CNTN4: variants seen among roughly 807,000 people sequenced by gnomAD.
CNTN4 encodes contactin-4.
In CNTN4, 77 loss-of-function variants were observed where a neutral mutation model predicts 122.5. The ratio of observed to expected loss-of-function variants is 0.63; its 90% CI spans 0.52 to 0.76. The LOEUF (loss-of-function observed/expected upper bound fraction) is 0.76, where lower values mean the gene tolerates loss of function less well. Ranked by LOEUF, CNTN4 falls within the 30% of genes least tolerant of loss-of-function variation. The probability of loss-of-function intolerance (pLI) is 0.00; values close to 1 mark genes in which losing one functional copy is unlikely to be tolerated. For missense variants in CNTN4, 1,256 were observed against 1,259.1 expected (o/e 1.00, Z 0.04); for synonymous variants, 512 against 447.0 (o/e 1.15, Z -1.83).
intron 3 of CNTN4, among the ~76,000 whole-genome samples, chr3:2,423,512 G>A (rs1221626465): frequency 6.7e-6 from 1 of 149,118 alleles, no homozygotes; most frequent in African/African-American, 2.5e-5. Context: ...GTGCCTCTGT[G>A]GAATCCTTTT....
chr3:2,328,080 C>A (rs1193211239), intron 2 of CNTN4, among the ~76,000 whole-genome samples: 2 of 152,116 alleles, frequency 1.3e-5, no homozygotes, highest in Non-Finnish European at 2.9e-5. Context: ...TTATATTATA[C>A]CCTTTTGTCT....
chr3:2,703,478 A>G (rs1342654503), intron 4 of CNTN4, among the ~76,000 whole-genome samples: 1 of 152,210 alleles, frequency 6.6e-6, no homozygotes, highest in Non-Finnish European at 1.5e-5. Context: ...ACTTAAAATC[A>G]AATCTCAGAG....
At chr3:2,765,465 G>A (rs2090812553) in intron 6 of CNTN4, among the ~76,000 whole-genome samples, 1 of 152,182 alleles carries the variant, frequency 6.6e-6, no homozygotes, top group Non-Finnish European at 1.5e-5. Context: ...GAAAACATAT[G>A]TGAAGTACCT....
intron 2 of CNTN4, among the ~76,000 whole-genome samples, chr3:2,155,250 T>C (rs2035668631): frequency 6.6e-6 from 1 of 152,182 alleles, no homozygotes; most frequent in Admixed American, 6.5e-5. Context: ...TTAATTCCTG[T>C]GCAGCAATGA....
intron 6 of CNTN4, among the ~76,000 whole-genome samples, chr3:2,792,512 TA>T (rs2092042511): frequency 6.6e-6 from 1 of 152,260 alleles, no homozygotes; most frequent in Non-Finnish European, 1.5e-5. Context: ...TGCAGCTGAA[TA>T]TGTACTAATT....
rs568750014 is a variant in CNTN4, at chr3:2,345,256, AT to A, written c.-89+6032del. On this transcript the variant is annotated intron_variant, in intron 3 of 24. Coordinates refer to ENST00000418658, the MANE Select transcript of CNTN4 (RefSeq NM_175607.3). The stretch of plus-strand genomic sequence containing the variant: ...GATTCAATTGTCTATCATTTTTATG[AT>A]TTTTTTTTACCCTTTCAGACACATT... Among the ~76,000 whole-genome samples, 13 of 151,582 alleles carry A rather than the reference AT, an allele frequency of 8.6e-5. No homozygotes were observed. In the East Asian group the frequency reaches 1.6e-3, roughly 18 times the overall value.
chr3:2,167,238 GCAGC>G (rs2036235486), intron 2 of CNTN4, among the ~76,000 whole-genome samples: 1 of 151,900 alleles, frequency 6.6e-6, no homozygotes, highest in South Asian at 2.1e-4. Context: ...TATTATATCT[GCAGC>G]TCTTGGCATG....
intron 13 of CNTN4, among the ~76,000 whole-genome samples, chr3:2,950,385 T>C (rs2094726907): frequency 6.6e-6 from 1 of 152,248 alleles, no homozygotes; most frequent in Non-Finnish European, 1.5e-5. Flanking sequence ...ACAATGGGCC[T>C]GAACCTGCCA....
chr3:2,818,934 G>A (rs185433844), intron 6 of CNTN4, among the ~76,000 whole-genome samples: 8 of 152,140 alleles, frequency 5.3e-5, no homozygotes, highest in Admixed American at 5.2e-4. Flanking sequence ...CACACTCTGG[G>A]TATATATGGA....
At chr3:2,549,994 T>C (rs564108294) in intron 3 of CNTN4, among the ~76,000 whole-genome samples, 123 of 152,312 alleles carry the variant, frequency 8.1e-4, no homozygotes, top group African/African-American at 2.9e-3. Flanking sequence ...CGTAGAGGTG[T>C]TTATACTATT....
intron 4 of CNTN4, among the ~76,000 whole-genome samples, chr3:2,714,169 ATTGT>A (rs1258650426): frequency 6.6e-5 from 10 of 152,022 alleles, no homozygotes; most frequent in Admixed American, 2.0e-4. Flanking sequence ...CTTTTATCTG[ATTGT>A]TCTCTAAATT....
rs146616448 is a variant in CNTN4 at position 2,894,996 on chromosome 3, A to G, written c.941-5689A>G. Among the ~76,000 whole-genome samples, 886 of 152,070 alleles carry G rather than the reference A, an allele frequency of 5.8e-3. 10 individuals are homozygous for G. The highest frequency in any genetic ancestry group is 0.02 in the African/African-American group (842 of 41,464). ...ATGGCAGAAGACTTCATTTTCATTT[A>G]TGTATTTGTTAATTTATTTTCGAGA... On this transcript the variant is annotated intron_variant, in intron 10 of 24. Coordinates refer to ENST00000418658, the MANE Select transcript of CNTN4 (RefSeq NM_175607.3).
rs140090666 is a variant in CNTN4, at chr3:2,754,565, T to C, written c.358+8868T>C. Among the ~76,000 whole-genome samples, 586 of 152,124 alleles carry C rather than the reference T, an allele frequency of 3.9e-3. 5 individuals carry two copies. Among genetic ancestry groups the C allele is most frequent in the African/African-American group, 0.013 (559 of 41,516 alleles). ...CCATTCATGCCCTACATCTCTACCC[T>C]CTGAGCATGTGTTAAGGGGAAGGGC... On this transcript the variant is annotated intron_variant, in intron 6 of 24. Coordinates refer to ENST00000418658, the MANE Select transcript of CNTN4 (RefSeq NM_175607.3).
chr3:2,816,539 A>G (rs2092734850), intron 6 of CNTN4, among the ~76,000 whole-genome samples: 3 of 151,792 alleles, frequency 2.0e-5, no homozygotes, highest in East Asian at 2.0e-4. Flanking sequence ...GAACTTACTC[A>G]TGGCTGGACA....
At chr3:2,449,614 C>CA (rs34181793) in intron 3 of CNTN4, among the ~76,000 whole-genome samples, 2,805 of 125,906 alleles carry the variant, frequency 0.022, 64 homozygotes, top group African/African-American at 0.052. Context: ...GACTCCATCT[C>CA]AAAAAAAAAA....
intron 4 of CNTN4, among the ~76,000 whole-genome samples, chr3:2,646,916 A>C (rs6807266): frequency 0.53 from 79,883 of 151,930 alleles, 21,170 homozygotes; most frequent in East Asian, 0.68. Flanking sequence ...CCCTGTGTCC[A>C]AATACAGTCA....
rs758893838 is a variant in CNTN4 at position 3,043,594 on chromosome 3, C to T, written c.2701C>T (p.Pro901Ser). ...CGTATATCTTAATTTTTTTATAGCA[C>T]CAAGTCAACCCCCCGGAAACATCAT... ...TVNVTTRKPP[P>S]SQPPGNIIWN... Residue 901 changes from proline to serine, a missense_variant and splice_region_variant, in exon 23 of 25, where the codon CCA (proline) becomes TCA (serine). Coordinates refer to ENST00000418658, the MANE Select transcript of CNTN4 (RefSeq NM_175607.3). 48 of 1,610,614 alleles carry T rather than the reference C, an allele frequency of 3.0e-5. No individual in the cohort carries two copies. The highest frequency in any genetic ancestry group is 4.0e-5 in the Non-Finnish European group (47 of 1,176,856).
At chr3:2,120,589 G>C (rs2033704968) in intron 2 of CNTN4, among the ~76,000 whole-genome samples, 1 of 151,108 alleles carries the variant, frequency 6.6e-6, no homozygotes, top group South Asian at 2.1e-4. Context: ...TTTTAGTAGA[G>C]AGGAGGGTTC....
At chr3:2,900,856 G>C in intron 11 of CNTN4, 35 bp downstream of exon 11, 1 of 1,613,022 alleles carries the variant, frequency 6.2e-7, no homozygotes, top group Non-Finnish European at 8.5e-7. Context: ...CCTTAGTCTT[G>C]ACTATAACGT....
Sources: allele counts gnomAD v4.1 joint callset (sites outside exome capture counted in the v4.1 genomes callset), GRCh38; gene constraint gnomAD v4.1.1; transcripts MANE v1.5; gene names NCBI Gene and HGNC (gene_info 2026-07-23, HGNC 2026-07-21).